TLE4: variants seen among roughly 807,000 people sequenced by gnomAD.
TLE4 encodes the protein transducin-like enhancer protein 4.
A neutral mutation model predicts 92.8 loss-of-function variants in TLE4; 8 were observed. That is an observed-to-expected ratio of 0.09 (90% CI 0.05 to 0.16). TLE4 has a LOEUF of 0.16. Ranked by LOEUF, TLE4 falls within the 10% of genes least tolerant of loss-of-function variation. The pLI is 1.00. For synonymous variants in TLE4, 371 were observed against 374.1 expected (o/e 0.99, Z 0.10); for missense variants, 675 against 997.6 (o/e 0.68, Z 4.36).
chr9:79,716,935 T>C (rs1189532595), intron 14 of TLE4, among the ~76,000 whole-genome samples: 1 of 152,218 alleles, frequency 6.6e-6, no homozygotes, highest in East Asian at 1.9e-4. Flanking sequence ...ATGTGTTAAG[T>C]GAATGAATCT....
chr9:79,669,667 C>G (rs1379794723), intron 8 of TLE4, among the ~76,000 whole-genome samples: 2 of 152,054 alleles, frequency 1.3e-5, no homozygotes, highest in African/African-American at 4.8e-5. Flanking sequence ...TATTGGATTC[C>G]CCTCTGCTAC....
Position 79,649,735 on chromosome 9 carries a change from A to T in TLE4, c.391-2858A>T, listed in dbSNP as rs964571601. 17 of 1,176,120 alleles carry T rather than the reference A, an allele frequency of 1.4e-5. No individual in the cohort carries two copies. In the African/African-American group the frequency reaches 2.6e-4, roughly 18 times the overall value. The allele number at this position is 1,176,120 out of a possible 1,614,324, so 72.9% of individuals were successfully genotyped here. ...AAGGACCTCAGGAAGCCTTACTGTG[A>T]ATGTCATGTATAACTATGATTTCTG... On this transcript the variant is annotated intron_variant, in intron 6 of 19. Transcript: ENST00000376552.
At chr9:79,585,905 T>C (rs546907632) in intron 4 of TLE4, among the ~76,000 whole-genome samples, 1 of 152,238 alleles carries the variant, frequency 6.6e-6, no homozygotes, top group East Asian at 1.9e-4. Context: ...TTCACTTAAT[T>C]AGTAGGTGGT....
At chr9:79,647,814 G>A (rs1040845031) in intron 6 of TLE4, among the ~76,000 whole-genome samples, 9 of 151,976 alleles carry the variant, frequency 5.9e-5, no homozygotes, top group Non-Finnish European at 1.2e-4. Flanking sequence ...GGATTGTTAA[G>A]TATCTTAATG....
At position 79,592,248 on chromosome 9, in the gene TLE4, T is replaced by G. The variant is rs113180053; in HGVS notation, c.252+16071T>G. Among the ~76,000 whole-genome samples the G allele has an allele frequency of 1.5e-4, 23 of 149,176 alleles. No homozygotes were observed. In the East Asian group the frequency reaches 3.1e-3, roughly 20 times the overall value. On this transcript the variant is annotated intron_variant, in intron 4 of 19. Transcript: ENST00000376552. ...TCTTCTTCTTCTTCCTTCTGCTTCT[T>G]CTTCTTTCTTCTTTCTTCTTCTTCT...
chr9:79,573,423 G>T (rs2036526546), intron 1 of TLE4: 9 of 1,186,800 alleles, frequency 7.6e-6, no homozygotes, highest in African/African-American at 3.2e-5. Flanking sequence ...GTCTTTGGCC[G>T]GGGAGGGGAG....
At chr9:79,642,665 A>AT (rs1372942679) in intron 6 of TLE4, among the ~76,000 whole-genome samples, 1 of 152,170 alleles carries the variant, frequency 6.6e-6, no homozygotes, top group Non-Finnish European at 1.5e-5. Flanking sequence ...TTCATAAAAT[A>AT]CGCTAACGGG....
rs938633923 is a variant in TLE4, at chr9:79,593,635, T to A, written c.252+17458T>A. Reference sequence around the variant, plus strand: ...AAATTAAACAATATTCAGTGAATTTTAGAAAGCAAAAGAAAGAAACTCACT... The same window carrying A: ...AAATTAAACAATATTCAGTGAATTTAAGAAAGCAAAAGAAAGAAACTCACT... On this transcript the variant is annotated intron_variant, in intron 4 of 19. Transcript: ENST00000376552. Among the ~76,000 whole-genome samples, 6 of 152,208 alleles carry A rather than the reference T, an allele frequency of 3.9e-5. No homozygotes were observed. In the East Asian group the frequency reaches 1.2e-3, roughly 29 times the overall value.
intron 8 of TLE4, among the ~76,000 whole-genome samples, chr9:79,674,847 T>A (rs749185095): frequency 1.1e-4 from 17 of 152,186 alleles, no homozygotes; most frequent in Non-Finnish European, 2.5e-4. Context: ...CCTCCTCTTC[T>A]ACCAGTTCAG....
At chr9:79,594,184 A>G (rs1161340637) in intron 4 of TLE4, among the ~76,000 whole-genome samples, 1 of 152,218 alleles carries the variant, frequency 6.6e-6, no homozygotes, top group East Asian at 1.9e-4. Context: ...GTGCATACAA[A>G]TCACTGAAAT....
At chr9:79,574,651 A>T (rs1188217650) in intron 2 of TLE4, among the ~76,000 whole-genome samples, 1 of 152,190 alleles carries the variant, frequency 6.6e-6, no homozygotes, top group African/African-American at 2.4e-5. Context: ...TTAATTAAAA[A>T]AAAAATCCTA....
intron 17 of TLE4, 37 bp downstream of exon 17, chr9:79,721,925 T>C (rs1312503540): frequency 6.3e-7 from 1 of 1,594,280 alleles, no homozygotes; most frequent in African/African-American, 1.4e-5. Context: ...AAGATACGGT[T>C]TTAGGCTGAG....
chr9:79,579,947 A>G (rs562778677), intron 4 of TLE4: 25 of 152,324 alleles, frequency 1.6e-4, no homozygotes, highest in African/African-American at 6.0e-4. Flanking sequence ...ATTGTATCTG[A>G]TACCCTCTAG....
intron 4 of TLE4, among the ~76,000 whole-genome samples, chr9:79,603,761 C>T (rs906492941): frequency 6.6e-6 from 1 of 152,150 alleles, no homozygotes; most frequent in Non-Finnish European, 1.5e-5. Flanking sequence ...TTCTAACCAC[C>T]TAAACTGTAG....
intron 6 of TLE4, among the ~76,000 whole-genome samples, chr9:79,632,140 C>G (rs1340206621): frequency 6.6e-6 from 1 of 152,110 alleles, no homozygotes; most frequent in Admixed American, 6.6e-5. Flanking sequence ...TGTGGGAAAC[C>G]TTTGTGGGGA....
chr9:79,613,437 T>C (rs2048815103), intron 5 of TLE4, among the ~76,000 whole-genome samples: 1 of 151,174 alleles, frequency 6.6e-6, no homozygotes, highest in South Asian at 2.1e-4. Flanking sequence ...TTCCTTGTGG[T>C]TTTTTTTTCT....
intron 8 of TLE4, among the ~76,000 whole-genome samples, chr9:79,682,177 C>T (rs2064843240): frequency 6.6e-6 from 1 of 152,008 alleles, no homozygotes; most frequent in South Asian, 2.1e-4. Context: ...ATCAGGCAGG[C>T]CCACAGTCTT....
At chr9:79,585,138 A>G (rs1436497882) in intron 4 of TLE4, among the ~76,000 whole-genome samples, 1 of 152,206 alleles carries the variant, frequency 6.6e-6, no homozygotes, top group Non-Finnish European at 1.5e-5. Flanking sequence ...TTTTATTAGT[A>G]GAGATAGTAT....
Position 79,725,775 on chromosome 9 carries a change from A to G in TLE4, c.*631A>G, listed in dbSNP as rs963960837. ...CATACTCATTTGGATCTATTTAGACAACGTTAACCAATATATCTATAGCTT... is the reference window on the plus strand; with the variant it reads ...CATACTCATTTGGATCTATTTAGACGACGTTAACCAATATATCTATAGCTT... On this transcript the variant is annotated 3_prime_UTR_variant, in exon 20 of 20. Coordinates refer to ENST00000376552, the MANE Select transcript of TLE4 (RefSeq NM_007005.6). 2 of 152,690 alleles carry G rather than the reference A, an allele frequency of 1.3e-5. No homozygotes were observed. Among genetic ancestry groups the G allele is most frequent in the Admixed American group, 1.3e-4 (2 of 15,288 alleles). The allele number at this position is 152,690 out of a possible 1,614,324, so 9.5% of individuals were successfully genotyped here.
Sources: allele counts gnomAD v4.1 joint callset (sites outside exome capture counted in the v4.1 genomes callset), GRCh38; gene constraint gnomAD v4.1.1; transcripts MANE v1.5; gene names NCBI Gene and HGNC (gene_info 2026-07-23, HGNC 2026-07-21).